The following FBXO8 variants were observed in gnomAD, a reference collection of about 807,000 sequenced individuals.
FBXO8 encodes the protein F-box protein 8.
A neutral mutation model predicts 33.4 loss-of-function variants in FBXO8; 15 were observed. The observed-to-expected ratio is 0.45, with a 90% CI of 0.30 to 0.69. The LOEUF (loss-of-function observed/expected upper bound fraction) is 0.69, where lower values mean the gene tolerates loss of function less well. FBXO8 is among the 30% of genes least tolerant of loss of function. The pLI is 0.08. For missense variants in FBXO8, 274 were observed against 380.3 expected (o/e 0.72, Z 2.32); for synonymous variants, 132 against 131.5 (o/e 1.00, Z -0.02).
Position 174,283,366 on chromosome 4 carries a change from G to GA in FBXO8, c.-9+43dup, listed in dbSNP as rs1252519460. ...TTCGAGAAAAGTGAAGGTGAACAGGGAAAAGAGACAAGAGATCTAAAATAT... is the reference window on the plus strand; with the variant it reads ...TTCGAGAAAAGTGAAGGTGAACAGGGAAAAAGAGACAAGAGATCTAAAATAT... On this transcript the variant is annotated intron_variant, in intron 1 of 5. Coordinates refer to ENST00000393674, the MANE Select transcript of FBXO8 (RefSeq NM_012180.3). The surrounding 1 kb of genome is among the most constrained non-coding windows in gnomAD (Gnocchi z 6.7). 6.5e-6 allele frequency: 1 copy of GA among 152,828 alleles called. No homozygotes were observed. The highest frequency in any genetic ancestry group is 1.5e-5 in the Non-Finnish European group (1 of 68,160). The allele number at this position is 152,828 out of a possible 1,614,324, so 9.5% of individuals were successfully genotyped here. A position where few individuals can be genotyped will look rare whatever the true frequency, so the allele number is the denominator to read the frequency against.
Position 174,278,841 on chromosome 4 carries a change from G to C in FBXO8, c.-9+4569C>G, listed in dbSNP as rs1228002216. On this transcript the variant is annotated intron_variant, in intron 1 of 5. Transcript: ENST00000393674. The surrounding 1 kb of genome is among the most constrained non-coding windows in gnomAD (Gnocchi z 4.1). ...GAATATTGAAGGCAGCCAGAAATAG[G>C]AGGAAGGTGAAAAATGAGAAAACAT... Among the ~76,000 whole-genome samples, 1 of 152,080 alleles carries C rather than the reference G, an allele frequency of 6.6e-6. No individual in the cohort carries two copies. The highest frequency in any genetic ancestry group is 6.5e-5 in the Admixed American group (1 of 15,268).
In FBXO8 at chr4:174,274,961, AT is replaced by A. The variant is rs974085675; in HGVS notation, c.-9+8448del. Among the ~76,000 whole-genome samples the A allele has an allele frequency of 2.6e-5, 4 of 152,242 alleles. No homozygotes were observed. Among genetic ancestry groups the A allele is most frequent in the Non-Finnish European group, 5.9e-5 (4 of 68,044 alleles). Reference sequence around the variant, plus strand: ...GTAAAAATTGATCGAATTCATCAAAATAAAAAATTTTTGCTCTTTGAAAGTC... The same window carrying A: ...GTAAAAATTGATCGAATTCATCAAAAAAAAAATTTTTGCTCTTTGAAAGTC... On this transcript the variant is annotated intron_variant, in intron 1 of 5. Transcript: ENST00000393674. The surrounding 1 kb of genome is among the most constrained non-coding windows in gnomAD (Gnocchi z 4.0).
intron 1 of FBXO8, among the ~76,000 whole-genome samples, chr4:174,273,333 A>AAAAAG (rs141502495): frequency 0.1 from 11,283 of 112,746 alleles, 1,078 homozygotes; most frequent in East Asian, 0.25. Flanking sequence ...TAAAAAAAAA[A>AAAAAG]AAAAGAAAAG....
At chr4:174,240,109 T>G (rs1735993736) in intron 4 of FBXO8, among the ~76,000 whole-genome samples, 1 of 116,488 alleles carries the variant, frequency 8.6e-6, no homozygotes. Context: ...ACAAAGATCA[T>G]ATGACCCACA....
Position 174,239,146 on chromosome 4 carries a change from TTTC to T in FBXO8, c.617_619del (p.Arg206del), listed in dbSNP as rs1282323944. On this transcript the variant is annotated inframe_deletion, in exon 5 of 6. Transcript: ENST00000393674. ...TCTCAGTGCATTTGGCAAGAACTGA[TTTC>T]TAAAATTATGCAATGTTACAAGGTC... is the stretch of plus-strand genomic sequence containing the variant. 6.3e-7 allele frequency: 1 copy of T among 1,595,606 alleles called. No homozygotes were observed. Among genetic ancestry groups the T allele is most frequent in the African/African-American group, 1.4e-5 (1 of 74,012 alleles).
In FBXO8 at chr4:174,265,280, ATTTAGGTATTTACCTAATTAAAAGC is replaced by A. The variant is rs1436732373; in HGVS notation, c.-8-2205_-8-2181del. ...GTATTTACCTAATTAAAAGCTTTTT[ATTTAGGTATTTACCTAATTAAAAGC>A]TTTTTATTTAGGTATTTACCTAATT... On this transcript the variant is annotated intron_variant, in intron 1 of 5. Coordinates refer to ENST00000393674, the MANE Select transcript of FBXO8 (RefSeq NM_012180.3). The surrounding 1 kb of genome is among the most constrained non-coding windows in gnomAD (Gnocchi z 4.7). Among the ~76,000 whole-genome samples, 1 of 66,758 alleles carries A rather than the reference ATTTAGGTATTTACCTAATTAAAAGC, an allele frequency of 1.5e-5. No homozygotes were observed. The highest frequency in any genetic ancestry group is 5.7e-5 in the African/African-American group (1 of 17,550). 43.8% of individuals were successfully genotyped at this position (66,758 alleles called of 152,430 possible).
chr4:174,239,963 C>G (rs897898448), intron 4 of FBXO8, among the ~76,000 whole-genome samples: 1 of 151,482 alleles, frequency 6.6e-6, no homozygotes, highest in Non-Finnish European at 1.5e-5. Context: ...CAGGAACAGG[C>G]GAACTACAGC....
intron 1 of FBXO8, among the ~76,000 whole-genome samples, chr4:174,279,639 C>T (rs903453674): frequency 6.6e-6 from 1 of 152,008 alleles, no homozygotes; most frequent in African/African-American, 2.4e-5. Context: ...ATGGTATTGG[C>T]ATAAAAAGAG....
rs112090343 is a variant in FBXO8 at position 174,264,491 on chromosome 4, C to T, written c.-8-1391G>A. On this transcript the variant is annotated intron_variant, in intron 1 of 5. Coordinates refer to ENST00000393674, the MANE Select transcript of FBXO8 (RefSeq NM_012180.3). ...TAATCCACGCATTTATTTACTAAACCATTGGCTATTATTTGGGTAATGGCC... is the reference window on the plus strand; with the variant it reads ...TAATCCACGCATTTATTTACTAAACTATTGGCTATTATTTGGGTAATGGCC... Among the ~76,000 whole-genome samples the T allele has an allele frequency of 2.1e-3, 316 of 151,990 alleles. 2 individuals are homozygous for T. Among genetic ancestry groups the T allele is most frequent in the African/African-American group, 7.3e-3 (303 of 41,476 alleles).
In FBXO8 at chr4:174,275,811, G is replaced by GTATTC. The variant is rs1736947902; in HGVS notation, c.-9+7598_-9+7599insGAATA. Among the ~76,000 whole-genome samples, 3 of 151,998 alleles carry GTATTC rather than the reference G, an allele frequency of 2.0e-5. No individual in the cohort carries two copies. Among genetic ancestry groups the GTATTC allele is most frequent in the Non-Finnish European group, 4.4e-5 (3 of 67,988 alleles). On this transcript the variant is annotated intron_variant, in intron 1 of 5. Transcript: ENST00000393674. The surrounding 1 kb of genome is among the most constrained non-coding windows in gnomAD (Gnocchi z 4.4). ...ACTTCAGGTAAATTTGAATACATATGGATCAAAAGAAGATGGAATTAAGGA... is the reference window on the plus strand; with the variant it reads ...ACTTCAGGTAAATTTGAATACATATGTATTCGATCAAAAGAAGATGGAATTAAGGA...
chr4:174,281,629 C>T lies in FBXO8; in HGVS notation c.-9+1781G>A, dbSNP rs1187709287. Among the ~76,000 whole-genome samples, 1 of 151,988 alleles carries T rather than the reference C, an allele frequency of 6.6e-6. No individual in the cohort carries two copies. Among genetic ancestry groups the T allele is most frequent in the African/African-American group, 2.4e-5 (1 of 41,358 alleles). On this transcript the variant is annotated intron_variant, in intron 1 of 5. Transcript: ENST00000393674. This position sits in a 1 kb window ranked among gnomAD's most constrained non-coding sequence, Gnocchi z 4.6. Reference sequence around the variant, plus strand: ...ATTGCTTGAACCTAGGAGGTCAAGGCTACAGTGAGTCTTGTTCGCACCACT... The same window carrying T: ...ATTGCTTGAACCTAGGAGGTCAAGGTTACAGTGAGTCTTGTTCGCACCACT...
intron 1 of FBXO8, among the ~76,000 whole-genome samples, chr4:174,282,050 T>G (rs1737107088): frequency 6.6e-6 from 1 of 152,182 alleles, no homozygotes; most frequent in Non-Finnish European, 1.5e-5. Context: ...GGTTAAATAA[T>G]AAACCATAAA....
Position 174,272,424 on chromosome 4 carries a change from TTGTACTGTTACTTTCTATTTTTTTCC to T in FBXO8, c.-8-9350_-8-9325del, listed in dbSNP as rs1281829238. On this transcript the variant is annotated intron_variant, in intron 1 of 5. Transcript: ENST00000393674. The surrounding 1 kb of genome is among the most constrained non-coding windows in gnomAD (Gnocchi z 4.7). ...CTAAAATTTGTATTATTATTTATTG[TTGTACTGTTACTTTCTATTTTTTTCC>T]AAATAGTTTCAATTGTGGTTGGATG... Among the ~76,000 whole-genome samples the T allele has an allele frequency of 6.6e-6, 1 of 152,256 alleles. No homozygotes were observed. Among genetic ancestry groups the T allele is most frequent in the Non-Finnish European group, 1.5e-5 (1 of 68,054 alleles).
rs1272260202 is a variant in FBXO8, at chr4:174,255,277, G to A, written c.456+4422C>T. Reference sequence around the variant, plus strand: ...TACGCTATGAAGTAATGGTAATGACGATTTTGTTGTTGAATACTGGAGCAA... The same window carrying A: ...TACGCTATGAAGTAATGGTAATGACAATTTTGTTGTTGAATACTGGAGCAA... On this transcript the variant is annotated intron_variant, in intron 3 of 5. Transcript: ENST00000393674. This position sits in a 1 kb window ranked among gnomAD's most constrained non-coding sequence, Gnocchi z 4.3. 1.3e-5 allele frequency among the ~76,000 whole-genome samples: 2 copies of A among 152,070 alleles called. No homozygotes were observed. Among genetic ancestry groups the A allele is most frequent in the African/African-American group, 2.4e-5 (1 of 41,408 alleles).
At position 174,275,883 on chromosome 4, in the gene FBXO8, T is replaced by A. The variant is rs1736948992; in HGVS notation, c.-9+7527A>T. On this transcript the variant is annotated intron_variant, in intron 1 of 5. Transcript: ENST00000393674. The surrounding 1 kb of genome is among the most constrained non-coding windows in gnomAD (Gnocchi z 4.4). ...AATCCTAAATGATGTTTTGACCACTTACATAGGATATATAAACAACAGAGT... is the reference window on the plus strand; with the variant it reads ...AATCCTAAATGATGTTTTGACCACTAACATAGGATATATAAACAACAGAGT... Among the ~76,000 whole-genome samples, 1 of 152,138 alleles carries A rather than the reference T, an allele frequency of 6.6e-6. No individual in the cohort carries two copies. The highest frequency in any genetic ancestry group is 2.1e-4 in the South Asian group (1 of 4,830).
rs1453006314 is a variant in FBXO8, at chr4:174,241,948, CCACCACCAACAAAA to C, written c.457-744_457-731del. Among the ~76,000 whole-genome samples, 57 of 151,540 alleles carry C rather than the reference CCACCACCAACAAAA, an allele frequency of 3.8e-4. No homozygotes were observed. Among genetic ancestry groups the C allele is most frequent in the Middle Eastern group, 3.4e-3 (1 of 294 alleles). The stretch of plus-strand genomic sequence containing the variant: ...AGTTTTTACCTACTTTAGATTTAAA[CCACCACCAACAAAA>C]CACCACCAACAAAAAAATCAAATGC... On this transcript the variant is annotated intron_variant, in intron 3 of 5. Transcript: ENST00000393674. The surrounding 1 kb of genome is among the most constrained non-coding windows in gnomAD (Gnocchi z 4.2).
intron 1 of FBXO8, among the ~76,000 whole-genome samples, chr4:174,280,877 G>C (rs1346478368): frequency 6.6e-6 from 1 of 152,192 alleles, no homozygotes; most frequent in Non-Finnish European, 1.5e-5. Context: ...TAGGAATGGG[G>C]AAGGGGAATT....
chr4:174,246,937 AGGATATGACT>A (rs1318052016), intron 3 of FBXO8, among the ~76,000 whole-genome samples: 1 of 152,032 alleles, frequency 6.6e-6, no homozygotes, highest in African/African-American at 2.4e-5. Flanking sequence ...ACAACGATGC[AGGATATGACT>A]GGATATGACT....
chr4:174,262,557 TTATTC>T lies in FBXO8; in HGVS notation c.329+202_329+206del, dbSNP rs1422983645. ...AACCTCTCTTCTAACTGTAAAGTTA[TTATTC>T]TATTTTCTATTGTCCTCCTTTTCAC... On this transcript the variant is annotated intron_variant, in intron 2 of 5. Transcript: ENST00000393674. This position sits in a 1 kb window ranked among gnomAD's most constrained non-coding sequence, Gnocchi z 4.6. Among the ~76,000 whole-genome samples the T allele has an allele frequency of 6.6e-6, 1 of 152,210 alleles. No homozygotes were observed. The highest frequency in any genetic ancestry group is 1.5e-5 in the Non-Finnish European group (1 of 68,030).
Sources: allele counts gnomAD v4.1 joint callset (sites outside exome capture counted in the v4.1 genomes callset), GRCh38; gene constraint gnomAD v4.1.1; non-coding constraint Gnocchi (gnomAD v3.1); transcripts MANE v1.5; gene names NCBI Gene and HGNC (gene_info 2026-07-23, HGNC 2026-07-21).